The following DUOX1 variants were observed in gnomAD, a reference collection of about 807,000 sequenced individuals.
DUOX1 encodes the protein dual oxidase 1, also known as NADPH thyroid oxidase 1.
Under a neutral mutation model 181.8 loss-of-function variants are expected in DUOX1, and 134 were observed. The observed-to-expected ratio is 0.74, with a 90% CI of 0.64 to 0.85. The LOEUF is 0.85. Ranked by LOEUF, DUOX1 falls within the 40% of genes least tolerant of loss-of-function variation. The probability of loss-of-function intolerance (pLI) is 0.00; values close to 1 mark genes in which losing one functional copy is unlikely to be tolerated. For missense variants in DUOX1, 1,814 were observed against 2,064.4 expected (o/e 0.88, Z 2.35); for synonymous variants, 798 against 832.5 (o/e 0.96, Z 0.71).
Position 45,152,419 on chromosome 15 carries a change from C to G in DUOX1, c.3327C>G (p.Ile1109Met). 6.2e-7 allele frequency: 1 copy of G among 1,614,242 alleles called. No homozygotes were observed. Among genetic ancestry groups the G allele is most frequent in the Non-Finnish European group, 8.5e-7 (1 of 1,180,038 alleles). The change falls in exon 25 of 34, where the codon ATC becomes ATG. Residue 1109 changes from isoleucine to methionine, a missense_variant. Physicochemically the swap from Ile to Met is conservative, Grantham distance 10. Coordinates refer to ENST00000389037, the MANE Select transcript of DUOX1 (RefSeq NM_175940.3). ...YILLTMCRNL[I>M]TFLRETFLNR... is the part of the protein sequence containing the mutation. The stretch of plus-strand genomic sequence containing the variant: ...TGCTCACCATGTGCCGCAACCTCAT[C>G]ACCTTCCTGCGAGAAACCTTCCTCA...
At chr15:45,142,617 C>G (rs928253017) in intron 15 of DUOX1, among the ~76,000 whole-genome samples, 3 of 151,974 alleles carry the variant, frequency 2.0e-5, no homozygotes, top group Non-Finnish European at 2.9e-5. Context: ...CCCAGCTACT[C>G]GGGAGGCTGA....
Position 45,148,273 on chromosome 15 carries a change from T to A in DUOX1, c.2644T>A (p.Ser882Thr), listed in dbSNP as rs1472504934. ...ATGGTTCCTCTCCCCCAACCCCAGA[T>A]CCTTCATCGAGATCTCCAACAACTG... Reference protein sequence around the residue: ...SKDEFIRMLRSFIEISNNCLS... With the variant: ...SKDEFIRMLRTFIEISNNCLS... The change falls in exon 21 of 34, where the codon TCC becomes ACC. Residue 882 changes from serine (S) to threonine (T), a missense_variant and splice_region_variant. Around this residue, in one of 5 missense-constraint regions of DUOX1, gnomAD observed 1,064 missense variants for 1,152.9 expected, o/e 0.92. Coordinates refer to ENST00000389037, the MANE Select transcript of DUOX1 (RefSeq NM_175940.3). 1 of 1,613,978 alleles carries A rather than the reference T, an allele frequency of 6.2e-7. No homozygotes were observed. Among genetic ancestry groups the A allele is most frequent in the African/African-American group, 1.3e-5 (1 of 74,906 alleles).
At chr15:45,146,013 T>C (rs1896643792) in intron 18 of DUOX1, among the ~76,000 whole-genome samples, 2 of 151,978 alleles carry the variant, frequency 1.3e-5, no homozygotes. Context: ...GGAAGATAAC[T>C]GGCAAAGAAT....
chr15:45,141,225 G>C (rs1896482728), intron 13 of DUOX1, 67 bp from the exon 14 acceptor site: 7 of 1,588,328 alleles, frequency 4.4e-6, no homozygotes, highest in African/African-American at 2.7e-5. Context: ...CTGGGTCCTT[G>C]GGCCTGGGGT....
chr15:45,131,174 G>A (rs1041011089), intron 1 of DUOX1, among the ~76,000 whole-genome samples: 29 of 152,054 alleles, frequency 1.9e-4, no homozygotes, highest in South Asian at 8.3e-4. Flanking sequence ...GGAGGTCTTC[G>A]CCGGCTTTAG....
intron 17 of DUOX1, 109 bp downstream of exon 17, chr15:45,144,344 G>A: frequency 8.3e-7 from 1 of 1,204,694 alleles, no homozygotes; most frequent in Non-Finnish European, 1.2e-6. Context: ...TAGTTACTGT[G>A]CAGGAGTCTG....
chr15:45,133,714 T>A (rs899767281), intron 2 of DUOX1, 150 bp from the exon 3 acceptor site: 3 of 669,362 alleles, frequency 4.5e-6, no homozygotes, highest in Admixed American at 2.5e-5. Context: ...GCCCTGGTTT[T>A]TCCCTCTGCA....
intron 28 of DUOX1, 61 bp downstream of exon 28, chr15:45,155,990 C>T: frequency 6.3e-7 from 1 of 1,598,268 alleles, no homozygotes; most frequent in Non-Finnish European, 8.6e-7. Context: ...TCCAGGGAGG[C>T]AAGGAGAGCT....
Position 45,162,156 on chromosome 15 carries a change from AT to A in DUOX1, c.4090-60del, listed in dbSNP as rs1447115611. 3.8e-6 allele frequency: 6 copies of A among 1,561,810 alleles called. No homozygotes were observed. In the Admixed American group the frequency reaches 9.0e-5, roughly 24 times the overall value. On this transcript the variant is annotated intron_variant, in intron 30 of 33. Transcript: ENST00000389037. ...ACGTATCTACCTTTCCTTTTCTCTC[AT>A]TTCTGGCTTCCGATCTATGGTGGTG...
chr15:45,134,413 G>A, intron 4 of DUOX1, 104 bp downstream of exon 4: 2 of 1,285,588 alleles, frequency 1.6e-6, no homozygotes, highest in South Asian at 3.1e-5. Context: ...GAAGGCCTAA[G>A]GGATGAGGGT....
chr15:45,155,870 C>T lies in DUOX1; in HGVS notation c.3643C>T (p.Arg1215Cys), dbSNP rs538910624. The change falls in exon 28 of 34, where the codon CGC becomes TGC. Residue 1215 changes from arginine (R) to cysteine (C), a missense_variant. Physicochemically the swap from Arg to Cys is radical, Grantham distance 180. Around this residue, in one of 5 missense-constraint regions of DUOX1, gnomAD observed 279 missense variants for 381.9 expected, o/e 0.73. Transcript: ENST00000389037. ...TGTCTTTGCCTCCCACCACTTCCGC[C>T]GCCGCAGTTTCCGGGGCTTCTGGCT... ...MYVFASHHFR[R>C]RSFRGFWLTH... is the part of the protein sequence containing the mutation. 3.0e-5 allele frequency: 49 copies of T among 1,614,158 alleles called. No homozygotes were observed. Among genetic ancestry groups the T allele is most frequent in the African/African-American group, 1.3e-4 (10 of 75,024 alleles).
At chr15:45,158,257 G>T (rs527836786) in intron 28 of DUOX1, among the ~76,000 whole-genome samples, 2 of 152,296 alleles carry the variant, frequency 1.3e-5, no homozygotes, top group African/African-American at 4.8e-5. Flanking sequence ...GGGTGGGTGT[G>T]GGCTCCACAA....
At chr15:45,153,914 C>T (rs567449958) in intron 26 of DUOX1, 37 bp from the exon 27 acceptor site, 3 of 1,568,598 alleles carry the variant, frequency 1.9e-6, no homozygotes, top group African/African-American at 2.7e-5. Flanking sequence ...AGAGAGATCT[C>T]CTCTCAAGGT....
chr15:45,137,233 G>A (rs1896345296), intron 9 of DUOX1, among the ~76,000 whole-genome samples: 2 of 147,274 alleles, frequency 1.4e-5, no homozygotes, highest in South Asian at 4.3e-4. Flanking sequence ...GGTGGTGCAT[G>A]CCTGTAATCC....
chr15:45,144,822 C>A, intron 17 of DUOX1, 73 bp from the exon 18 acceptor site: 1 of 1,490,600 alleles, frequency 6.7e-7, no homozygotes, highest in Non-Finnish European at 9.0e-7. Flanking sequence ...GCCCCTCTGA[C>A]ATAATCCACA....
rs1302605883 is a variant in DUOX1, at chr15:45,153,438, C to T, written c.3483C>T (p.Ser1161=). ...NVYLFSISPL[S]VLSCLFPGLF... ...ACCTGTTCTCCATCAGCCCCCTCAG[C>T]GTCCTCTCTTGCCTCTTTCCTGGCC... Residue 1161 remains serine, a synonymous_variant, in exon 26 of 34, where the codon AGC becomes AGT. Coordinates refer to ENST00000389037, the MANE Select transcript of DUOX1 (RefSeq NM_175940.3). 3.7e-6 allele frequency: 6 copies of T among 1,613,510 alleles called. No individual in the cohort carries two copies. The highest frequency in any genetic ancestry group is 2.7e-5 in the African/African-American group (2 of 74,692).
At chr15:45,145,361 C>A (rs1896624090) in intron 18 of DUOX1, among the ~76,000 whole-genome samples, 1 of 152,196 alleles carries the variant, frequency 6.6e-6, no homozygotes, top group Non-Finnish European at 1.5e-5. Context: ...GACTTTCCAT[C>A]CTCACTCATC....
chr15:45,139,914 C>T (rs1896448354), intron 12 of DUOX1: 1 of 630,686 alleles, frequency 1.6e-6, no homozygotes, highest in Admixed American at 2.3e-5. Flanking sequence ...AGGTCCTTGA[C>T]TTAGGAACAA....
intron 21 of DUOX1, among the ~76,000 whole-genome samples, chr15:45,149,093 G>T (rs1476978164): frequency 6.6e-6 from 1 of 152,152 alleles, no homozygotes; most frequent in Non-Finnish European, 1.5e-5. Context: ...AGGCAGGAGG[G>T]TCTGTCTGTG....
Sources: allele counts gnomAD v4.1 joint callset (sites outside exome capture counted in the v4.1 genomes callset), GRCh38; gene constraint gnomAD v4.1.1; regional missense constraint gnomAD v4.1.1; transcripts MANE v1.5; gene names NCBI Gene and HGNC (gene_info 2026-07-23, HGNC 2026-07-21).